Variants in CHRNA7 observed in about 807,000 individuals in gnomAD.
CHRNA7 encodes the protein neuronal acetylcholine receptor subunit alpha-7.
In CHRNA7, 17 loss-of-function variants were observed where a neutral mutation model predicts 48.0. The observed-to-expected ratio is 0.35, with a 90% CI of 0.24 to 0.53. The LOEUF (loss-of-function observed/expected upper bound fraction) is 0.53. CHRNA7 is among the 20% of genes least tolerant of loss of function. The pLI is 0.92. For synonymous variants in CHRNA7, 75 were observed against 242.3 expected, an observed-to-expected ratio of 0.31 and a Z score of 6.41; for missense variants, 155 against 577.7, an observed-to-expected ratio of 0.27 and a Z score of 7.50.
chr15:32,059,732 T>G (rs372256559), intron 2 of CHRNA7, among the ~76,000 whole-genome samples: 44 of 152,218 alleles, frequency 2.9e-4, no homozygotes, highest in African/African-American at 1.0e-3. Flanking sequence ...AAATGATTTT[T>G]TTTTGTTTTG....
intron 5 of CHRNA7, among the ~76,000 whole-genome samples, chr15:32,154,441 AGCACACG>A (rs1566879717): frequency 3.7e-4 from 1 of 2,716 alleles, no homozygotes; most frequent in African/African-American, 3.2e-3. Flanking sequence ...TGCGCTAAAG[AGCACACG>A]CAGGTTACAG....
At chr15:32,031,791 A>T (rs1265042829) in intron 2 of CHRNA7, among the ~76,000 whole-genome samples, 1 of 152,230 alleles carries the variant, frequency 6.6e-6, no homozygotes. Context: ...TTCATGGTAT[A>T]TTCTCCATAC....
At chr15:32,118,483 T>G (rs759883810) in intron 4 of CHRNA7, among the ~76,000 whole-genome samples, 2 of 152,074 alleles carry the variant, frequency 1.3e-5, no homozygotes, top group Non-Finnish European at 2.9e-5. Context: ...GGAGGCTGTT[T>G]CTAAATCATG....
intron 4 of CHRNA7, among the ~76,000 whole-genome samples, chr15:32,138,063 AAAG>A (rs1179683218): frequency 6.6e-5 from 10 of 152,346 alleles, no homozygotes; most frequent in East Asian, 5.8e-4. Context: ...CCAATGAAAA[AAAG>A]AAGGAGGAAT....
chr15:32,115,402 A>G (rs1252838697), intron 4 of CHRNA7, among the ~76,000 whole-genome samples: 2 of 151,996 alleles, frequency 1.3e-5, no homozygotes, highest in African/African-American at 4.8e-5. Context: ...AACAAGACAG[A>G]TCTTGTCATC....
At chr15:32,085,357 C>T (rs1434926241) in intron 2 of CHRNA7, among the ~76,000 whole-genome samples, 3 of 152,140 alleles carry the variant, frequency 2.0e-5, no homozygotes, top group Admixed American at 1.3e-4. Context: ...GATCATTAGC[C>T]GTCTCTGCTA....
In CHRNA7 at chr15:32,111,901, T is replaced by G; in HGVS notation, c.350+2T>G. ...ACCAGACATTCTTCTCTATAACAGG[T>G]AAGCATATTGAACAAAGGAAAAAAA... On this transcript the variant is annotated splice_donor_variant, in intron 4 of 9. Coordinates refer to ENST00000306901, the MANE Select transcript of CHRNA7 (RefSeq NM_000746.6). LOFTEE classifies it high-confidence loss of function. The G allele has an allele frequency of 6.4e-7, 1 of 1,554,624 alleles. No homozygotes were observed. The highest frequency in any genetic ancestry group is 8.9e-7 in the Non-Finnish European group (1 of 1,125,732).
chr15:32,056,533 T>G (rs1231986106), intron 2 of CHRNA7, among the ~76,000 whole-genome samples: 2 of 152,220 alleles, frequency 1.3e-5, no homozygotes, highest in African/African-American at 4.8e-5. Flanking sequence ...TTTTAATTAT[T>G]TAATGTGTGT....
In CHRNA7 at chr15:32,031,026, A is replaced by G. The variant is rs1901808465; in HGVS notation, c.184A>G (p.Ile62Val). The G allele has an allele frequency of 1.2e-6, 2 of 1,614,172 alleles. No individual in the cohort carries two copies. Among genetic ancestry groups the G allele is most frequent in the African/African-American group, 2.7e-5 (2 of 75,058 alleles). ...TVYFSLSLLQIMDVDEKNQVL... is the reference protein window; with the variant it reads ...TVYFSLSLLQVMDVDEKNQVL... Reference sequence around the variant, plus strand: ...CTACTTCTCCCTGAGCCTCCTGCAGATCATGGACGTGGTGAGTCCCGCCTG... The same window carrying G: ...CTACTTCTCCCTGAGCCTCCTGCAGGTCATGGACGTGGTGAGTCCCGCCTG... The change falls in exon 2 of 10, where the codon ATC becomes GTC. Residue 62 changes from isoleucine (I) to valine (V), a missense_variant. Ile to Val is a conservative substitution (Grantham distance 29). Coordinates refer to ENST00000306901, the MANE Select transcript of CHRNA7 (RefSeq NM_000746.6).
intron 4 of CHRNA7, among the ~76,000 whole-genome samples, chr15:32,137,949 A>G (rs978849185): frequency 2.0e-5 from 3 of 152,264 alleles, no homozygotes; most frequent in Admixed American, 6.5e-5. Context: ...TGATAGCAGC[A>G]TAGACATCTT....
At chr15:32,052,527 G>A (rs1292093759) in intron 2 of CHRNA7, among the ~76,000 whole-genome samples, 1 of 152,084 alleles carries the variant, frequency 6.6e-6, no homozygotes, top group East Asian at 1.9e-4. Context: ...TCAAGAGATT[G>A]AGACCATCTT....
At chr15:32,154,858 T>A (rs1595510457) in intron 5 of CHRNA7, among the ~76,000 whole-genome samples, 1 of 34,156 alleles carries the variant, frequency 2.9e-5, no homozygotes, top group Non-Finnish European at 4.9e-5. Context: ...CACTCACCCC[T>A]CACACACACC....
intron 4 of CHRNA7, among the ~76,000 whole-genome samples, chr15:32,122,281 A>T (rs187201037): frequency 3.1e-4 from 47 of 152,298 alleles, no homozygotes; most frequent in Non-Finnish European, 2.9e-5. Flanking sequence ...CAAGAGAGCC[A>T]TCTTCTAGCA....
upstream of CHRNA7, chr15:32,030,488 A>G: frequency 8.8e-7 from 1 of 1,138,132 alleles, no homozygotes; most frequent in Non-Finnish European, 1.1e-6. Context: ...CCGGCTCCTT[A>G]AAGGCGCGCG....
rs143706283 is a variant in CHRNA7, at chr15:32,069,378, G to A, written c.196-31925G>A. Among the ~76,000 whole-genome samples, 417 of 152,344 alleles carry A rather than the reference G, an allele frequency of 2.7e-3. 1 individual carries two copies. Among genetic ancestry groups the A allele is most frequent in the Non-Finnish European group, 5.2e-3 (356 of 68,042 alleles). ...AAAGCCACTGAGGCTGGGCCTGATG[G>A]CCGAAACCTGTAGTCCCAGCATTTT... On this transcript the variant is annotated intron_variant, in intron 2 of 9. Coordinates refer to ENST00000306901, the MANE Select transcript of CHRNA7 (RefSeq NM_000746.6).
At chr15:32,070,744 T>C (rs2050044766) in intron 2 of CHRNA7, among the ~76,000 whole-genome samples, 1 of 127,568 alleles carries the variant, frequency 7.8e-6, no homozygotes, top group Non-Finnish European at 1.6e-5. Context: ...TGGAGTGCAG[T>C]GGCACGATCT....
chr15:32,122,783 C>G (rs117607568), intron 4 of CHRNA7, among the ~76,000 whole-genome samples: 1,663 of 151,342 alleles, frequency 0.011, 20 homozygotes, highest in Non-Finnish European at 0.016. Context: ...CAATACCATA[C>G]TGAGAGCTAA....
At chr15:32,046,506 T>G (rs1233572538) in intron 2 of CHRNA7, among the ~76,000 whole-genome samples, 3 of 137,786 alleles carry the variant, frequency 2.2e-5, no homozygotes, top group African/African-American at 8.9e-5. Flanking sequence ...GCCCACTTTT[T>G]GATGGGGTTG....
At chr15:32,092,926 A>T (rs1400674250) in intron 2 of CHRNA7, among the ~76,000 whole-genome samples, 8 of 152,146 alleles carry the variant, frequency 5.3e-5, no homozygotes, top group Non-Finnish European at 1.5e-5. Context: ...TTGACAATTC[A>T]TTGAAAAAGC....
Sources: gnomAD v4.1 joint callset for allele counts (sites outside exome capture counted in the v4.1 genomes callset) on GRCh38, gnomAD v4.1.1 for gene constraint, MANE v1.5 for transcripts, NCBI Gene and HGNC (gene_info 2026-07-23, HGNC 2026-07-21) for gene names.